CORO2B: variants seen among roughly 807,000 people sequenced by gnomAD.
CORO2B encodes coronin-2B.
CORO2B carries 26 observed loss-of-function variants against 58.8 expected under a neutral mutation model. The observed-to-expected ratio is 0.44, with a 90% confidence interval of 0.32 to 0.61. CORO2B has a LOEUF of 0.61. CORO2B is among the 20% of genes least tolerant of loss of function. The probability of loss-of-function intolerance (pLI) is 0.04; values close to 1 mark genes in which losing one functional copy is unlikely to be tolerated. For synonymous variants in CORO2B, 242 were observed against 253.8 expected (o/e 0.95, Z 0.44); for missense variants, 460 against 645.1 (o/e 0.71, Z 3.11).
At chr15:68,599,674 G>C (rs1440905345) in intron 1 of CORO2B, among the ~76,000 whole-genome samples, 1 of 152,126 alleles carries the variant, frequency 6.6e-6, no homozygotes, top group Non-Finnish European at 1.5e-5. Flanking sequence ...ACTCTCCACT[G>C]CCCCTCAGAC....
At chr15:68,585,521 G>A (rs1269768101) in intron 1 of CORO2B, among the ~76,000 whole-genome samples, 1 of 152,200 alleles carries the variant, frequency 6.6e-6, no homozygotes, top group Non-Finnish European at 1.5e-5. Context: ...AAGGTCACAG[G>A]TTGAATGAAT....
At chr15:68,535,160 C>A in the CORO2B span, among the ~76,000 whole-genome samples, 2 of 152,194 alleles carry the variant, frequency 1.3e-5, no homozygotes, top group African/African-American at 4.8e-5. Flanking sequence ...GAGGAAGGAT[C>A]ATTTCTTCAG....
intron 2 of CORO2B, among the ~76,000 whole-genome samples, chr15:68,660,105 T>C (rs901502956): frequency 3.9e-5 from 6 of 152,130 alleles, no homozygotes; most frequent in Non-Finnish European, 8.8e-5. Flanking sequence ...CTTTTTCATT[T>C]CTCTAAAAAT....
chr15:68,552,052 A>T, the CORO2B span, among the ~76,000 whole-genome samples: 1 of 152,062 alleles, frequency 6.6e-6, no homozygotes, highest in African/African-American at 2.4e-5. Context: ...GGCTTTGGTC[A>T]TCAGCATCCC....
At chr15:68,652,359 C>T (rs1901670295) in intron 2 of CORO2B, among the ~76,000 whole-genome samples, 1 of 152,170 alleles carries the variant, frequency 6.6e-6, no homozygotes, top group African/African-American at 2.4e-5. Flanking sequence ...TATGAATATT[C>T]CAGAGAGCAG....
the CORO2B span, among the ~76,000 whole-genome samples, chr15:68,565,063 A>C: frequency 6.6e-6 from 1 of 152,196 alleles, no homozygotes; most frequent in African/African-American, 2.4e-5. Flanking sequence ...TAACTTTTCG[A>C]AGTTACCATT....
the CORO2B span, among the ~76,000 whole-genome samples, chr15:68,530,343 A>AAT: frequency 6.6e-6 from 1 of 152,058 alleles, no homozygotes; most frequent in Admixed American, 6.6e-5. Flanking sequence ...TAATAATAAT[A>AAT]ATATGTATAT....
At position 68,612,572 on chromosome 15, in the gene CORO2B, G is replaced by C. The variant is rs77122455; in HGVS notation, c.16-32588G>C. On this transcript the variant is annotated intron_variant, in intron 1 of 11. Coordinates refer to ENST00000261861, the MANE Select transcript of CORO2B (RefSeq NM_006091.5). ...TTGGTAAGATTTTTCATACCCTTGA[G>C]TTCCAGGGAGATGGCTGTTCAGCAG... 8.3e-3 allele frequency among the ~76,000 whole-genome samples: 1,257 copies of C among 152,314 alleles called. 25 individuals are homozygous for C. Among genetic ancestry groups the C allele is most frequent in the African/African-American group, 0.028 (1,184 of 41,566 alleles).
At chr15:68,628,167 A>C (rs1217084432) in intron 1 of CORO2B, among the ~76,000 whole-genome samples, 1 of 152,250 alleles carries the variant, frequency 6.6e-6, no homozygotes, top group African/African-American at 2.4e-5. Flanking sequence ...TAATGACCAG[A>C]TCTCCAGTGC....
At chr15:68,680,102 C>T (rs1033917279) in intron 2 of CORO2B, among the ~76,000 whole-genome samples, 1 of 151,650 alleles carries the variant, frequency 6.6e-6, no homozygotes, top group African/African-American at 2.4e-5. Flanking sequence ...CTCTCGGTGG[C>T]TATCCCTAAG....
the CORO2B span, among the ~76,000 whole-genome samples, chr15:68,560,474 T>C: frequency 6.6e-6 from 1 of 152,182 alleles, no homozygotes; most frequent in South Asian, 2.1e-4. Context: ...AAAGACAATT[T>C]TTTTTGTAGA....
chr15:68,604,581 G>A (rs953384349), intron 1 of CORO2B, among the ~76,000 whole-genome samples: 3 of 151,454 alleles, frequency 2.0e-5, no homozygotes, highest in Non-Finnish European at 2.9e-5. Context: ...GGACCACTCT[G>A]GAAAGGCTGG....
chr15:68,725,884 G>A lies in CORO2B; in HGVS notation c.1353G>A (p.Arg451=). 3.1e-6 allele frequency: 5 copies of A among 1,614,038 alleles called. No homozygotes were observed. Among genetic ancestry groups the A allele is most frequent in the Non-Finnish European group, 4.2e-6 (5 of 1,180,010 alleles). ...MFFRQQDEIR[R]LKEELAQKDI... is the part of the protein sequence containing the mutation. ...TCCGGCAGCAGGATGAGATTCGACG[G>A]TTGAAAGAGGAGCTGGCCCAGAAGG... is the stretch of plus-strand genomic sequence containing the variant. The change falls in exon 12 of 12, where the codon CGG becomes CGA. Residue 451 remains arginine, a synonymous_variant. Transcript: ENST00000261861.
At chr15:68,659,852 C>A (rs1422718936) in intron 2 of CORO2B, among the ~76,000 whole-genome samples, 1 of 152,058 alleles carries the variant, frequency 6.6e-6, no homozygotes. Flanking sequence ...GAGAATCACT[C>A]GAACCCGGGA....
chr15:68,539,947 C>T, the CORO2B span, among the ~76,000 whole-genome samples: 1 of 152,200 alleles, frequency 6.6e-6, no homozygotes, highest in African/African-American at 2.4e-5. Context: ...TAAAGAAAAT[C>T]TGGCTTTACG....
chr15:68,659,538 G>GC (rs1901942546), intron 2 of CORO2B, among the ~76,000 whole-genome samples: 2 of 151,918 alleles, frequency 1.3e-5, no homozygotes, highest in South Asian at 2.1e-4. Context: ...CACAGTAAGA[G>GC]CCCCTCTCTA....
upstream of CORO2B, among the ~76,000 whole-genome samples, chr15:68,578,195 A>C (rs1300887783): frequency 6.6e-6 from 1 of 152,246 alleles, no homozygotes. The surrounding 1 kb of genome is among the most constrained non-coding windows in gnomAD (Gnocchi z 4.2). Flanking sequence ...CACAGGACGC[A>C]CCTGTGTTAT....
At chr15:68,564,768 G>C in the CORO2B span, among the ~76,000 whole-genome samples, 5 of 152,198 alleles carry the variant, frequency 3.3e-5, no homozygotes, top group African/African-American at 1.2e-4. Context: ...TCATATCAAT[G>C]TTCTCCATCT....
chr15:68,638,160 A>G (rs1901093227), intron 1 of CORO2B, among the ~76,000 whole-genome samples: 1 of 152,138 alleles, frequency 6.6e-6, no homozygotes, highest in Non-Finnish European at 1.5e-5. Flanking sequence ...GCAGCTGTGC[A>G]CATCTGGAAT....
Sources: gnomAD v4.1 joint callset for allele counts (sites outside exome capture counted in the v4.1 genomes callset) on GRCh38, gnomAD v4.1.1 for gene constraint, Gnocchi (gnomAD v3.1) non-coding constraint, MANE v1.5 for transcripts, NCBI Gene and HGNC (gene_info 2026-07-23, HGNC 2026-07-21) for gene names.